Variants in ROS1 observed in about 807,000 individuals in gnomAD.
ROS1 encodes proto-oncogene tyrosine-protein kinase ROS.
Under a neutral mutation model 273.5 loss-of-function variants are expected in ROS1, and 263 were observed. The observed-to-expected ratio is 0.96, with a 90% CI of 0.87 to 1.06. ROS1 has a LOEUF of 1.06. Ranked by LOEUF, ROS1 falls within the 50% of genes least tolerant of loss-of-function variation. The pLI is 0.00. For synonymous variants in ROS1, 1,008 were observed against 954.1 expected (o/e 1.06, Z -1.04); for missense variants, 2,833 against 2,751.1 (o/e 1.03, Z -0.67).
intron 19 of ROS1, 56 bp from the exon 20 acceptor site, chr6:117,365,797 A>T: frequency 7.6e-7 from 1 of 1,324,200 alleles, no homozygotes; most frequent in Non-Finnish European, 1.0e-6. Flanking sequence ...TTATTGACCA[A>T]TATAGAAATC....
At position 117,344,188 on chromosome 6, in the gene ROS1, T is replaced by C; in HGVS notation, c.4378A>G (p.Ile1460Val). The C allele has an allele frequency of 1.9e-6, 3 of 1,614,026 alleles. No homozygotes were observed. The highest frequency in any genetic ancestry group is 2.2e-5 in the East Asian group (1 of 44,864). ...TTTGTCTTGGCCAGAGGTAATCTGATTGTGAGGCTAGTGTTAGTGGCATTA... is the reference window on the plus strand; with the variant it reads ...TTTGTCTTGGCCAGAGGTAATCTGACTGTGAGGCTAGTGTTAGTGGCATTA... ...ILNATNTSLTIRLPLAKTNLT... is the reference protein window; with the variant it reads ...ILNATNTSLTVRLPLAKTNLT... Residue 1460 changes from isoleucine to valine, a missense_variant, in exon 28 of 44, where the codon ATC (isoleucine) becomes GTC (valine). By Grantham distance (29) the Ile-to-Val change is conservative. Coordinates refer to ENST00000368507, the MANE Select transcript of ROS1 (RefSeq NM_001378902.1).
chr6:117,329,206 C>A, intron 33 of ROS1, 123 bp downstream of exon 33: 1 of 636,512 alleles, frequency 1.6e-6, no homozygotes, highest in East Asian at 2.6e-5. Context: ...CATGTGAGTC[C>A]TTTAACTAAA....
chr6:117,345,755 T>C lies in ROS1; in HGVS notation c.4304-1493A>G, dbSNP rs529391678. Among the ~76,000 whole-genome samples, 133 of 152,300 alleles carry C rather than the reference T, an allele frequency of 8.7e-4. 3 individuals carry two copies. The South Asian group carries it at 0.027, about 30-fold the overall frequency. Reference sequence around the variant, plus strand: ...GAGACAATGGCCTGCTTTACAGATATTTATATATCACTCTATCCCTAGCAC... The same window carrying C: ...GAGACAATGGCCTGCTTTACAGATACTTATATATCACTCTATCCCTAGCAC... On this transcript the variant is annotated intron_variant, in intron 27 of 43. Coordinates refer to ENST00000368507, the MANE Select transcript of ROS1 (RefSeq NM_001378902.1).
At chr6:117,323,129 G>A (rs746862522) in intron 35 of ROS1, among the ~76,000 whole-genome samples, 3 of 152,122 alleles carry the variant, frequency 2.0e-5, no homozygotes, top group Admixed American at 1.3e-4. Flanking sequence ...CATCAGCTGT[G>A]CAATACTTAG....
intron 3 of ROS1, 25 bp from the exon 4 acceptor site, chr6:117,414,570 C>T (rs1235826133): frequency 8.3e-6 from 6 of 719,376 alleles, no homozygotes; most frequent in African/African-American, 7.3e-5. Flanking sequence ...AAAAAGACTA[C>T]TTAAAATCTT....
chr6:117,304,444 T>C (rs984945758), intron 42 of ROS1, among the ~76,000 whole-genome samples: 2 of 152,228 alleles, frequency 1.3e-5, no homozygotes, highest in Non-Finnish European at 2.9e-5. Flanking sequence ...AGGTTGGTCA[T>C]ATTTCAGTTA....
chr6:117,351,807 G>C (rs1778888748), intron 27 of ROS1, among the ~76,000 whole-genome samples: 1 of 151,978 alleles, frequency 6.6e-6, no homozygotes, highest in Non-Finnish European at 1.5e-5. Context: ...CTAAGCTTCT[G>C]GGCCAGAAAC....
chr6:117,406,644 T>C (rs975951471), intron 5 of ROS1, among the ~76,000 whole-genome samples: 20 of 152,178 alleles, frequency 1.3e-4, no homozygotes, highest in African/African-American at 4.8e-4. Context: ...TCTGGTGTCC[T>C]TAGTTTCTCA....
At chr6:117,424,056 G>A (rs185478912) in intron 1 of ROS1, among the ~76,000 whole-genome samples, 6 of 152,080 alleles carry the variant, frequency 3.9e-5, no homozygotes, top group African/African-American at 1.4e-4. Context: ...CTGGAAGCAA[G>A]GAGCCCACAC....
chr6:117,412,714 G>A (rs1791878531), intron 4 of ROS1, among the ~76,000 whole-genome samples: 1 of 152,122 alleles, frequency 6.6e-6, no homozygotes, highest in African/African-American at 2.4e-5. Flanking sequence ...AAAGTATAAA[G>A]AGAAAGAATA....
chr6:117,304,490 G>T (rs1774958702), intron 42 of ROS1, among the ~76,000 whole-genome samples: 1 of 152,122 alleles, frequency 6.6e-6, no homozygotes. Context: ...TATCAGTTTT[G>T]CTTTCTATGG....
intron 12 of ROS1, among the ~76,000 whole-genome samples, chr6:117,391,523 G>A (rs1004491101): frequency 2.0e-5 from 3 of 152,136 alleles, no homozygotes; most frequent in Non-Finnish European, 2.9e-5. Context: ...AACTCAATGA[G>A]GAGACAATTT....
At chr6:117,342,684 T>C (rs1049611633) in intron 28 of ROS1, 140 bp from the exon 29 acceptor site, 1 of 586,830 alleles carries the variant, frequency 1.7e-6, no homozygotes, top group African/African-American at 1.9e-5. Context: ...TTAATGGTAA[T>C]ACCACTGTCC....
chr6:117,297,026 T>C (rs1239916053), intron 43 of ROS1, among the ~76,000 whole-genome samples: 8 of 152,086 alleles, frequency 5.3e-5, no homozygotes, highest in Non-Finnish European at 8.8e-5. Flanking sequence ...AATAAACATA[T>C]AGTTTAATGG....
At chr6:117,360,291 C>CACACACACAT in intron 23 of ROS1, 51 bp downstream of exon 23, 3 of 1,411,852 alleles carry the variant, frequency 2.1e-6, no homozygotes, top group Non-Finnish European at 3.0e-6. Context: ...CACACACACA[C>CACACACACAT]ACACACACGC....
rs1346133891 is a variant in ROS1, at chr6:117,356,856, A to T, written c.3899T>A (p.Ile1300Asn). 7 of 1,614,042 alleles carry T rather than the reference A, an allele frequency of 4.3e-6. No individual in the cohort carries two copies. The highest frequency in any genetic ancestry group is 5.9e-6 in the Non-Finnish European group (7 of 1,180,012). The change falls in exon 26 of 44, where the codon ATC becomes AAC. Residue 1300 changes from isoleucine (I) to asparagine (N), a missense_variant. Transcript: ENST00000368507. ...FGYQMFYYSI[I>N]SHTLHRILQP... ...CAGAATTCGGTGCAAGGTGTGACTG[A>T]TAATACTGTAGTAGAACATCTGGTA... is the stretch of plus-strand genomic sequence containing the variant.
At chr6:117,373,730 A>C (rs1781076723) in intron 18 of ROS1, among the ~76,000 whole-genome samples, 1 of 152,184 alleles carries the variant, frequency 6.6e-6, no homozygotes. Flanking sequence ...GAGAGGGGCT[A>C]CCACAGTGCA....
intron 20 of ROS1, 66 bp downstream of exon 20, chr6:117,365,515 G>T: frequency 1.5e-6 from 2 of 1,358,398 alleles, no homozygotes; most frequent in South Asian, 1.2e-5. Flanking sequence ...AGGTCAGTGT[G>T]GGCAAGGCTG....
intron 17 of ROS1, among the ~76,000 whole-genome samples, chr6:117,380,238 T>G (rs1465680641): frequency 6.6e-6 from 1 of 152,098 alleles, no homozygotes; most frequent in Non-Finnish European, 1.5e-5. Context: ...ACAAATATGA[T>G]GAGCCAGTGA....
Sources: gnomAD v4.1 joint callset for allele counts (sites outside exome capture counted in the v4.1 genomes callset) on GRCh38, gnomAD v4.1.1 for gene constraint, MANE v1.5 for transcripts, NCBI Gene and HGNC (gene_info 2026-07-23, HGNC 2026-07-21) for gene names.